The following SIPA1L1 variants were observed in gnomAD, a reference collection of about 807,000 sequenced individuals.
The protein encoded by SIPA1L1 is signal-induced proliferation-associated 1-like protein 1.
Under a neutral mutation model 162.7 loss-of-function variants are expected in SIPA1L1, and 26 were observed. That is an observed-to-expected ratio of 0.16 (90% CI 0.12 to 0.22). The LOEUF is 0.22. Ranked by LOEUF, SIPA1L1 falls within the 10% of genes least tolerant of loss-of-function variation. SIPA1L1 has a pLI of 1.00. For synonymous variants in SIPA1L1, 829 were observed against 837.4 expected, an observed-to-expected ratio of 0.99 and a Z score of 0.17; for missense variants, 1,874 against 2,241.0, an observed-to-expected ratio of 0.84 and a Z score of 3.31.
At chr14:71,392,186 C>T (rs545400333) in intron 2 of SIPA1L1, among the ~76,000 whole-genome samples, 10 of 152,262 alleles carry the variant, frequency 6.6e-5, no homozygotes, top group South Asian at 2.1e-4. Context: ...AGACAGTCTC[C>T]GGTGCAGGCA....
chr14:71,512,212 G>T (rs2051214631), intron 2 of SIPA1L1, among the ~76,000 whole-genome samples: 1 of 152,068 alleles, frequency 6.6e-6, no homozygotes, highest in Admixed American at 6.6e-5. Flanking sequence ...TGACCTTTTT[G>T]TCTCTTGCCC....
chr14:71,650,384 G>A lies in SIPA1L1; in HGVS notation c.1868G>A (p.Ser623Asn), dbSNP rs1223038169. 2.5e-6 allele frequency: 4 copies of A among 1,614,194 alleles called. No homozygotes were observed. Among genetic ancestry groups the A allele is most frequent in the Non-Finnish European group, 3.4e-6 (4 of 1,180,018 alleles). Residue 623 changes from serine (S) to asparagine (N), a missense_variant, in exon 8 of 24, where the codon AGC (serine) becomes AAC (asparagine). Transcript: ENST00000381232. ...VGIMYCKAGQSTEEEMYNNES... is the reference protein window; with the variant it reads ...VGIMYCKAGQNTEEEMYNNES... ...ATCATGTACTGCAAAGCTGGACAGA[G>A]CACTGAAGAAGAGATGTACAACAAT...
intron 2 of SIPA1L1, among the ~76,000 whole-genome samples, chr14:71,373,057 A>G (rs1480027997): frequency 6.6e-6 from 1 of 152,170 alleles, no homozygotes; most frequent in Non-Finnish European, 1.5e-5. Flanking sequence ...TATGCCTGTA[A>G]TCCCAGCACT....
intron 4 of SIPA1L1, among the ~76,000 whole-genome samples, chr14:71,547,275 A>G (rs1470632433): frequency 1.3e-5 from 2 of 148,660 alleles, no homozygotes; most frequent in Non-Finnish European, 3.0e-5. Flanking sequence ...AAGATTCGTC[A>G]CTTAATATGA....
intron 4 of SIPA1L1, among the ~76,000 whole-genome samples, chr14:71,577,015 A>T (rs1596231077): frequency 6.7e-6 from 1 of 149,904 alleles, no homozygotes; most frequent in African/African-American, 2.5e-5. Context: ...CCTGGGAGGC[A>T]GAGGTTGCAG....
At chr14:71,574,091 A>G (rs374885287) in intron 4 of SIPA1L1, 1 of 189,104 alleles carries the variant, frequency 5.3e-6, no homozygotes, top group Non-Finnish European at 1.1e-5. Context: ...TTCTACAACA[A>G]AAATCTTGAT....
rs775639831 is a variant in SIPA1L1, at chr14:71,672,671, G to A, written c.3104+49G>A. 5 of 1,584,564 alleles carry A rather than the reference G, an allele frequency of 3.2e-6. No individual in the cohort carries two copies. The South Asian group carries it at 3.4e-5, about 11-fold the overall frequency. ...GGCCTGAGACTCGAGTGCAGGGTTT[G>A]TGTACCATGTAGAACATCTCTTAGC... is the stretch of plus-strand genomic sequence containing the variant. On this transcript the variant is annotated intron_variant, in intron 12 of 23. Transcript: ENST00000381232.
At chr14:71,558,157 G>A (rs2056498068) in intron 4 of SIPA1L1, among the ~76,000 whole-genome samples, 1 of 152,096 alleles carries the variant, frequency 6.6e-6, no homozygotes, top group Admixed American at 6.6e-5. Flanking sequence ...CATTTTTAGG[G>A]CAGTATTTTC....
In SIPA1L1 at chr14:71,672,443, G is replaced by A. The variant is rs201048906; in HGVS notation, c.2925G>A (p.Ala975=). The A allele has an allele frequency of 6.6e-5, 107 of 1,614,106 alleles. No individual in the cohort carries two copies. Among genetic ancestry groups the A allele is most frequent in the South Asian group, 7.7e-5 (7 of 91,090 alleles). ...ATGTCAACTATGAGGGCATTGTGGC[G>A]GATGTGGAGCCCTACGGTTATGCCT... The part of the protein sequence containing the change: ...GFHVNYEGIV[A]DVEPYGYAWQ... The change falls in exon 12 of 24, where the codon GCG becomes GCA. Residue 975 remains alanine, a synonymous_variant. Transcript: ENST00000381232.
At chr14:71,535,789 T>C (rs1016630303) in intron 4 of SIPA1L1, among the ~76,000 whole-genome samples, 1 of 152,088 alleles carries the variant, frequency 6.6e-6, no homozygotes, top group Admixed American at 6.5e-5. Flanking sequence ...TTTTTTTTTT[T>C]AGTAGACAAG....
chr14:71,439,984 A>G (rs1210169899), intron 2 of SIPA1L1, among the ~76,000 whole-genome samples: 1 of 152,198 alleles, frequency 6.6e-6, no homozygotes, highest in African/African-American at 2.4e-5. Flanking sequence ...GATTGGAAGA[A>G]GAGGTCAGTC....
rs1373854740 is a variant in SIPA1L1 at position 71,650,512 on chromosome 14, A to G, written c.1993+3A>G. 2 of 1,613,780 alleles carry G rather than the reference A, an allele frequency of 1.2e-6. No homozygotes were observed. The highest frequency in any genetic ancestry group is 8.5e-7 in the Non-Finnish European group (1 of 1,179,726). Reference sequence around the variant, plus strand: ...TCGAGCACAGCTTGATACCAAAAGTAAGAAATACTTACACCCTCCTACTAG... The same window carrying G: ...TCGAGCACAGCTTGATACCAAAAGTGAGAAATACTTACACCCTCCTACTAG... On this transcript the variant is annotated splice_donor_region_variant and intron_variant, in intron 8 of 23. Coordinates refer to ENST00000381232, the MANE Select transcript of SIPA1L1 (RefSeq NM_001386936.1).
At chr14:71,434,671 T>A (rs1203357208) in intron 2 of SIPA1L1, among the ~76,000 whole-genome samples, 1 of 152,132 alleles carries the variant, frequency 6.6e-6, no homozygotes, top group Non-Finnish European at 1.5e-5. Context: ...CTTGAACTCC[T>A]GGGCTCAAGC....
chr14:71,538,395 A>G (rs920796863), intron 4 of SIPA1L1, among the ~76,000 whole-genome samples: 4 of 152,204 alleles, frequency 2.6e-5, no homozygotes, highest in Non-Finnish European at 5.9e-5. Context: ...AGCTTGGAAT[A>G]ATTGCTTTAG....
intron 3 of SIPA1L1, among the ~76,000 whole-genome samples, chr14:71,523,638 C>T (rs530293631): frequency 8.5e-5 from 13 of 152,252 alleles, no homozygotes; most frequent in African/African-American, 3.1e-4. Context: ...TTTTCTTTAA[C>T]CTGTGGTGTT....
intron 2 of SIPA1L1, among the ~76,000 whole-genome samples, chr14:71,339,199 A>C (rs1435771074): frequency 1.3e-5 from 2 of 152,040 alleles, no homozygotes; most frequent in Non-Finnish European, 2.9e-5. Context: ...GATAGAGACC[A>C]TTTCTCTTTT....
intron 4 of SIPA1L1, among the ~76,000 whole-genome samples, chr14:71,564,379 T>A (rs926816000): frequency 6.6e-6 from 1 of 151,276 alleles, no homozygotes; most frequent in East Asian, 1.9e-4. Flanking sequence ...TTTTTTTTTT[T>A]AAACATACAT....
intron 15 of SIPA1L1, among the ~76,000 whole-genome samples, chr14:71,704,096 A>G (rs571366868): frequency 6.6e-6 from 1 of 152,170 alleles, no homozygotes; most frequent in Non-Finnish European, 1.5e-5. Flanking sequence ...GGGAAATCCA[A>G]CCCTTCAAAT....
At chr14:71,330,990 A>G (rs2034470367) in intron 2 of SIPA1L1, among the ~76,000 whole-genome samples, 1 of 152,232 alleles carries the variant, frequency 6.6e-6, no homozygotes, top group South Asian at 2.1e-4. Flanking sequence ...GTCCAAAGTA[A>G]TGAAGCTTTT....
Sources: allele counts gnomAD v4.1 joint callset (sites outside exome capture counted in the v4.1 genomes callset), GRCh38; gene constraint gnomAD v4.1.1; transcripts MANE v1.5; gene names NCBI Gene and HGNC (gene_info 2026-07-23, HGNC 2026-07-21).